The following CSNK1D variants were observed in gnomAD, a reference collection of about 807,000 sequenced individuals.
The protein encoded by CSNK1D is casein kinase 1 delta.
CSNK1D carries 16 observed loss-of-function variants against 46.6 expected under a neutral mutation model. The ratio of observed to expected loss-of-function variants is 0.34; its 90% CI spans 0.23 to 0.52. CSNK1D has a LOEUF of 0.52. Ranked by LOEUF, CSNK1D falls within the 20% of genes least tolerant of loss-of-function variation. CSNK1D has a pLI of 0.95. For missense variants in CSNK1D, 398 were observed against 578.4 expected (o/e 0.69, Z 3.20); for synonymous variants, 276 against 228.2 (o/e 1.21, Z -1.89).
rs545512797 is a variant in CSNK1D at position 82,248,676 on chromosome 17, C to A, written c.1197+199G>T. On this transcript the variant is annotated intron_variant, in intron 8 of 8. Coordinates refer to ENST00000314028, the MANE Select transcript of CSNK1D (RefSeq NM_001893.6). The surrounding 1 kb of genome is among the most constrained non-coding windows in gnomAD (Gnocchi z 4.1). ...GGCCACCTGCAACCAGGAGACAAGC[C>A]CCATGACGGCCCAGCATGTCTCCCA... 7.1e-7 allele frequency: 1 copy of A among 1,417,426 alleles called. No homozygotes were observed. Among genetic ancestry groups the A allele is most frequent in the African/African-American group, 1.4e-5 (1 of 69,396 alleles). 87.8% of individuals were successfully genotyped at this position (1,417,426 alleles called of 1,614,324 possible).
At chr17:82,256,745 G>A (rs2051184847) in intron 2 of CSNK1D, among the ~76,000 whole-genome samples, 1 of 152,126 alleles carries the variant, frequency 6.6e-6, no homozygotes, top group Non-Finnish European at 1.5e-5. Context: ...TACGTCCTTT[G>A]GTCCTATTTT....
In CSNK1D at chr17:82,255,126, C is replaced by T. The variant is rs190485668; in HGVS notation, c.336+303G>A. The T allele has an allele frequency of 3.0e-3, 1,229 of 414,392 alleles. 24 individuals are homozygous for T. Among genetic ancestry groups the T allele is most frequent in the African/African-American group, 0.025 (1,113 of 45,048 alleles). The allele number at this position is 414,392 out of a possible 1,614,324, so 25.7% of individuals were successfully genotyped here. A position where few individuals can be genotyped will look rare whatever the true frequency, so the allele number is the denominator to read the frequency against. ...GCCTCGAGAAGCCAGTGAGCTGAGC[C>T]GTCGGAGCCTCCAGAAGCCAGTGAG... is the stretch of plus-strand genomic sequence containing the variant. On this transcript the variant is annotated intron_variant, in intron 3 of 8. Transcript: ENST00000314028. The surrounding 1 kb of genome is among the most constrained non-coding windows in gnomAD (Gnocchi z 5.9).
Position 82,251,002 on chromosome 17 carries a change from CCA to C in CSNK1D, c.885+375_885+376del. On this transcript the variant is annotated intron_variant, in intron 6 of 8. Coordinates refer to ENST00000314028, the MANE Select transcript of CSNK1D (RefSeq NM_001893.6). This position sits in a 1 kb window ranked among gnomAD's most constrained non-coding sequence, Gnocchi z 4.5. ...GGTAGCACCTCACCAGGCCCCAACC[CCA>C]CTCATCTCGTGGGCACCACGACCAT... 2.9e-6 allele frequency: 1 copy of C among 339,200 alleles called. No homozygotes were observed. Among genetic ancestry groups the C allele is most frequent in the Non-Finnish European group, 5.7e-6 (1 of 175,074 alleles). The allele number at this position is 339,200 out of a possible 1,614,324, so 21.0% of individuals were successfully genotyped here. A position where few individuals can be genotyped will look rare whatever the true frequency, so the allele number is the denominator to read the frequency against.
Position 82,259,458 on chromosome 17 carries a change from G to A in CSNK1D, c.188-3881C>T, listed in dbSNP as rs549836382. On this transcript the variant is annotated intron_variant, in intron 2 of 8. Coordinates refer to ENST00000314028, the MANE Select transcript of CSNK1D (RefSeq NM_001893.6). ...GATGATGTGGGTTACACAAAACTTG[G>A]CTGCACTGCAGGGGGGAATGGAAAT... Among the ~76,000 whole-genome samples, 7 of 152,340 alleles carry A rather than the reference G, an allele frequency of 4.6e-5. No individual in the cohort carries two copies. The South Asian group carries it at 1.5e-3, about 32-fold the overall frequency.
chr17:82,260,443 G>C (rs569872634), intron 2 of CSNK1D, among the ~76,000 whole-genome samples: 1 of 149,354 alleles, frequency 6.7e-6, no homozygotes, highest in African/African-American at 2.5e-5. Context: ...TGATGTGACT[G>C]ATGGTGTACT....
Position 82,244,674 on chromosome 17 carries a change from T to C in CSNK1D, c.*107A>G, listed in dbSNP as rs779190630. ...GGTGAGTGGCCTGGAGAGCTCCCGG[T>C]GTTAACATTTCGATCCTAGACCGGG... On this transcript the variant is annotated 3_prime_UTR_variant, in exon 9 of 9. Transcript: ENST00000314028. 472 of 1,587,530 alleles carry C rather than the reference T, an allele frequency of 3.0e-4. 1 individual carries two copies. The highest frequency in any genetic ancestry group is 1.1e-4 in the Non-Finnish European group (130 of 1,171,192).
At position 82,252,156 on chromosome 17, in the gene CSNK1D, A is replaced by C. The variant is rs571611501; in HGVS notation, c.736+278T>G. 6.6e-6 allele frequency among the ~76,000 whole-genome samples: 1 copy of C among 152,208 alleles called. No homozygotes were observed. On this transcript the variant is annotated intron_variant, in intron 5 of 8. Transcript: ENST00000314028. This position sits in a 1 kb window ranked among gnomAD's most constrained non-coding sequence, Gnocchi z 4.6. The stretch of plus-strand genomic sequence containing the variant: ...CACCACTGCCTGTCCATCCCTTTCC[A>C]GCCACTTGGGGCCCTGAGGCTCGGG...
chr17:82,249,233 G>A lies in CSNK1D; in HGVS notation c.1057+198C>T, dbSNP rs1270567867. ...CACAGGGGAGGAACGTGAGATGCGG[G>A]AGGAATCACGCACACCAGCAGGTGC... On this transcript the variant is annotated intron_variant, in intron 7 of 8. Coordinates refer to ENST00000314028, the MANE Select transcript of CSNK1D (RefSeq NM_001893.6). This position sits in a 1 kb window ranked among gnomAD's most constrained non-coding sequence, Gnocchi z 6.7. 2.6e-6 allele frequency: 2 copies of A among 759,926 alleles called. No homozygotes were observed. The highest frequency in any genetic ancestry group is 4.2e-6 in the Non-Finnish European group (2 of 479,292). The allele number at this position is 759,926 out of a possible 1,614,324, so 47.1% of individuals were successfully genotyped here.
At chr17:82,262,638 G>C (rs934544779) in intron 2 of CSNK1D, among the ~76,000 whole-genome samples, 3 of 152,122 alleles carry the variant, frequency 2.0e-5, no homozygotes, top group Non-Finnish European at 4.4e-5. Flanking sequence ...AGCAAACACT[G>C]CACAAGGGGA....
At position 82,251,184 on chromosome 17, in the gene CSNK1D, G is replaced by A. The variant is rs145144729; in HGVS notation, c.885+195C>T. On this transcript the variant is annotated intron_variant, in intron 6 of 8. Transcript: ENST00000314028. This position sits in a 1 kb window ranked among gnomAD's most constrained non-coding sequence, Gnocchi z 4.5. ...GGACCCCTCTGCGTTCCCTAATGGC[G>A]TCTTACTTCTTGGCACCCCTTTCTG... is the stretch of plus-strand genomic sequence containing the variant. 76 of 632,894 alleles carry A rather than the reference G, an allele frequency of 1.2e-4. No individual in the cohort carries two copies. In the East Asian group the frequency reaches 1.5e-3, roughly 12 times the overall value. The allele number at this position is 632,894 out of a possible 1,614,324, so 39.2% of individuals were successfully genotyped here. A position where few individuals can be genotyped will look rare whatever the true frequency, so the allele number is the denominator to read the frequency against.
At position 82,255,694 on chromosome 17, in the gene CSNK1D, T is replaced by C; in HGVS notation, c.188-117A>G. ...ACAATCCTGAACGGGGGAGGGGTGG[T>C]GGAGGTAGAAGACCCCGGCAACGCC... On this transcript the variant is annotated intron_variant, in intron 2 of 8. Coordinates refer to ENST00000314028, the MANE Select transcript of CSNK1D (RefSeq NM_001893.6). The surrounding 1 kb of genome is among the most constrained non-coding windows in gnomAD (Gnocchi z 5.9). The C allele has an allele frequency of 7.4e-7, 1 of 1,350,876 alleles. No individual in the cohort carries two copies. Among genetic ancestry groups the C allele is most frequent in the East Asian group, 2.3e-5 (1 of 43,414 alleles). The allele number at this position is 1,350,876 out of a possible 1,614,324, so 83.7% of individuals were successfully genotyped here. A position where few individuals can be genotyped will look rare whatever the true frequency, so the allele number is the denominator to read the frequency against.
intron 3 of CSNK1D, chr17:82,253,992 A>G (rs1442256394): frequency 8.0e-5 from 17 of 213,436 alleles, no homozygotes; most frequent in Non-Finnish European, 1.1e-4. Flanking sequence ...CAGTGAGCTG[A>G]GCCGCCGGAG....
intron 1 of CSNK1D, among the ~76,000 whole-genome samples, chr17:82,269,713 T>G (rs1330268727): frequency 1.3e-5 from 2 of 152,302 alleles, no homozygotes; most frequent in Non-Finnish European, 2.9e-5. Context: ...CAGAACACAC[T>G]ACAGGTGAGA....
chr17:82,239,630 T>C (rs949547268), downstream of CSNK1D: 4 of 260,020 alleles, frequency 1.5e-5, no homozygotes, highest in Non-Finnish European at 2.9e-5. Context: ...AGGCGCTGCA[T>C]GGAGGGGGCT....
intron 8 of CSNK1D, chr17:82,247,997 G>A: frequency 1.0e-6 from 1 of 985,446 alleles, no homozygotes; most frequent in Non-Finnish European, 1.2e-6. Context: ...ACGGCAGCAG[G>A]CCTGGCTCCA....
rs946763385 is a variant in CSNK1D, at chr17:82,252,676, C to T, written c.566-72G>A. Reference sequence around the variant, plus strand: ...CGTCAAAGCAAAAGACCCGGCTGGCCGTTCCAGTGGAGACTAGCCTCAGAC... The same window carrying T: ...CGTCAAAGCAAAAGACCCGGCTGGCTGTTCCAGTGGAGACTAGCCTCAGAC... On this transcript the variant is annotated intron_variant, in intron 4 of 8. Transcript: ENST00000314028. This position sits in a 1 kb window ranked among gnomAD's most constrained non-coding sequence, Gnocchi z 4.6. 9 of 1,495,742 alleles carry T rather than the reference C, an allele frequency of 6.0e-6. No homozygotes were observed. The highest frequency in any genetic ancestry group is 1.4e-5 in the African/African-American group (1 of 72,306). The allele number at this position is 1,495,742 out of a possible 1,614,324, so 92.7% of individuals were successfully genotyped here. A position where few individuals can be genotyped will look rare whatever the true frequency, so the allele number is the denominator to read the frequency against.
chr17:82,246,557 C>CA (rs1364573773), intron 8 of CSNK1D: 2 of 1,039,702 alleles, frequency 1.9e-6, no homozygotes, highest in Non-Finnish European at 2.3e-6. Context: ...CTACTGTAGC[C>CA]AAAGAGCCCT....
downstream of CSNK1D, chr17:82,239,138 G>A (rs917119543): frequency 9.0e-6 from 6 of 670,062 alleles, no homozygotes; most frequent in Admixed American, 6.7e-5. Context: ...GGAAGGTGGC[G>A]GGGTGGGAAC....
chr17:82,259,419 G>GC (rs1316464376), intron 2 of CSNK1D, among the ~76,000 whole-genome samples: 18 of 152,210 alleles, frequency 1.2e-4, no homozygotes, highest in African/African-American at 4.3e-4. Flanking sequence ...TGAAAACAGT[G>GC]TTGTGAGGCT....
Sources: allele counts gnomAD v4.1 joint callset (sites outside exome capture counted in the v4.1 genomes callset), GRCh38; gene constraint gnomAD v4.1.1; non-coding constraint Gnocchi (gnomAD v3.1); transcripts MANE v1.5; gene names NCBI Gene and HGNC (gene_info 2026-07-23, HGNC 2026-07-21).